The following RHOBTB1 variants were observed in gnomAD, a reference collection of about 807,000 sequenced individuals.
The protein encoded by RHOBTB1 is rho-related BTB domain-containing protein 1.
A neutral mutation model predicts 71.6 loss-of-function variants in RHOBTB1; 40 were observed. That is an observed-to-expected ratio of 0.56 (90% confidence interval 0.43 to 0.73). RHOBTB1 has a LOEUF of 0.73. Among genes scored for constraint, RHOBTB1 ranks in the 30% least tolerant of loss-of-function variants. The probability of loss-of-function intolerance (pLI) is 0.00; values close to 1 mark genes in which losing one functional copy is unlikely to be tolerated. For synonymous variants in RHOBTB1, 319 were observed against 334.9 expected, an observed-to-expected ratio of 0.95 and a Z score of 0.52; for missense variants, 797 against 894.0, an observed-to-expected ratio of 0.89 and a Z score of 1.38.
chr10:60,949,743 G>A lies in RHOBTB1; in HGVS notation c.-61-7889C>T, dbSNP rs975530165. Among the ~76,000 whole-genome samples, 10 of 147,300 alleles carry A rather than the reference G, an allele frequency of 6.8e-5. No individual in the cohort carries two copies. In the East Asian group the frequency reaches 8.0e-4, roughly 12 times the overall value. ...GATAAATACTTAAGCTAACCTAATGGATCTATTCTTGGCATTTCCTATGAT... is the reference window on the plus strand; with the variant it reads ...GATAAATACTTAAGCTAACCTAATGAATCTATTCTTGGCATTTCCTATGAT... On this transcript the variant is annotated intron_variant, in intron 2 of 11. Transcript: ENST00000357917.
intron 7 of RHOBTB1, among the ~76,000 whole-genome samples, chr10:60,879,635 G>A (rs1284448660): frequency 6.6e-6 from 1 of 152,094 alleles, no homozygotes; most frequent in Admixed American, 6.6e-5. Context: ...ATGAGCCACT[G>A]TGACTGGCCG....
At chr10:60,864,325 C>G in the RHOBTB1 span, among the ~76,000 whole-genome samples, 7 of 152,188 alleles carry the variant, frequency 4.6e-5, no homozygotes, top group African/African-American at 1.4e-4. Flanking sequence ...AACATAGACT[C>G]AAAAATGTTA....
Position 60,871,548 on chromosome 10 carries a change from A to G in RHOBTB1, c.2025T>C (p.Ile675=), listed in dbSNP as rs2080780433. 6.2e-7 allele frequency: 1 copy of G among 1,613,986 alleles called. No individual in the cohort carries two copies. Among genetic ancestry groups the G allele is most frequent in the Non-Finnish European group, 8.5e-7 (1 of 1,179,996 alleles). ...GTCTTGAGCGATGCTTATTTAGTGC[A>G]ATATCTTCCTTCTCTCGTTCCCTTT... is the stretch of plus-strand genomic sequence containing the variant. ...RVKREREKED[I]ALNKHRSRRK... is the part of the protein sequence containing the mutation. Residue 675 remains isoleucine, a synonymous_variant, in exon 11 of 11, where the codon ATT becomes ATC. Transcript: ENST00000337910.
At chr10:60,981,896 A>G (rs2086508940) in intron 2 of RHOBTB1, among the ~76,000 whole-genome samples, 1 of 151,946 alleles carries the variant, frequency 6.6e-6, no homozygotes, top group Admixed American at 6.6e-5. Context: ...CAGCCTCCCA[A>G]GTAGCTGGGA....
At position 60,911,520 on chromosome 10, in the gene RHOBTB1, T is replaced by C. The variant is rs750547263; in HGVS notation, c.23A>G (p.Glu8Gly). 1 of 1,614,138 alleles carries C rather than the reference T, an allele frequency of 6.2e-7. No individual in the cohort carries two copies. The highest frequency in any genetic ancestry group is 8.5e-7 in the Non-Finnish European group (1 of 1,180,018). Residue 8 changes from glutamate to glycine, a missense_variant, in exon 3 of 11, where the codon GAA becomes GGA. Coordinates refer to ENST00000337910, the MANE Select transcript of RHOBTB1 (RefSeq NM_014836.5). ...TTTGATAGTTTCAACGTTGGGTCTT[T>C]CGTAGTCCATGTCAGCGTCCATTTA... Reference protein sequence around the residue: MDADMDYERPNVETIKCV... With the variant: MDADMDYGRPNVETIKCV...
intron 4 of RHOBTB1, among the ~76,000 whole-genome samples, chr10:60,905,107 G>T (rs1387746979): frequency 6.6e-6 from 1 of 151,302 alleles, no homozygotes; most frequent in African/African-American, 2.4e-5. Flanking sequence ...AGTGCAAAAT[G>T]TAAGAGGGTA....
intron 2 of RHOBTB1, among the ~76,000 whole-genome samples, chr10:60,930,896 T>A (rs960292606): frequency 6.6e-6 from 1 of 152,082 alleles, no homozygotes; most frequent in Admixed American, 6.6e-5. Flanking sequence ...AATAAACGAA[T>A]CTTTCTTGGG....
In RHOBTB1 at chr10:60,871,368, C is replaced by T. The variant is rs573021399; in HGVS notation, c.*114G>A. 47 of 1,070,962 alleles carry T rather than the reference C, an allele frequency of 4.4e-5. No individual in the cohort carries two copies. In the Admixed American group the frequency reaches 6.3e-4, roughly 14 times the overall value. The allele number at this position is 1,070,962 out of a possible 1,614,324, so 66.3% of individuals were successfully genotyped here. A position where few individuals can be genotyped will look rare whatever the true frequency, so the allele number is the denominator to read the frequency against. ...ACAAAAGTGGAGGAAGATCAGTGCC[C>T]GAAACCTGAACTATGTCGTATCTCT... On this transcript the variant is annotated 3_prime_UTR_variant, in exon 11 of 11. Coordinates refer to ENST00000337910, the MANE Select transcript of RHOBTB1 (RefSeq NM_014836.5).
chr10:60,993,459 A>C (rs2086938655), intron 1 of RHOBTB1, among the ~76,000 whole-genome samples: 1 of 152,204 alleles, frequency 6.6e-6, no homozygotes, highest in Non-Finnish European at 1.5e-5. Context: ...ATGTGTAAGT[A>C]TATATAAAAT....
intron 2 of RHOBTB1, among the ~76,000 whole-genome samples, chr10:60,953,083 A>G (rs1043106446): frequency 6.6e-6 from 1 of 152,226 alleles, no homozygotes; most frequent in African/African-American, 2.4e-5. Context: ...CAGGTTGATG[A>G]GATAAAATGG....
chr10:60,895,694 G>A (rs759786799), intron 4 of RHOBTB1, among the ~76,000 whole-genome samples: 8 of 152,250 alleles, frequency 5.3e-5, no homozygotes, highest in South Asian at 2.1e-4. Flanking sequence ...GCAAGCCACC[G>A]CGCCCGGCCC....
intron 4 of RHOBTB1, among the ~76,000 whole-genome samples, chr10:60,904,255 G>A (rs7087599): frequency 2.6e-5 from 4 of 151,788 alleles, no homozygotes; most frequent in African/African-American, 4.8e-5. Context: ...CCTATTTCTC[G>A]TCTTAAAGAA....
intron 6 of RHOBTB1, among the ~76,000 whole-genome samples, chr10:60,886,709 A>T (rs1321479917): frequency 7.4e-6 from 1 of 134,670 alleles, no homozygotes; most frequent in East Asian, 2.9e-4. Flanking sequence ...TGTTTTTTTT[A>T]AGAGATGTGG....
chr10:60,861,874 T>G, the RHOBTB1 span, among the ~76,000 whole-genome samples: 3 of 152,218 alleles, frequency 2.0e-5, no homozygotes, highest in African/African-American at 7.2e-5. Flanking sequence ...AAAACCATTT[T>G]ATTCCCAACT....
chr10:60,893,616 T>C (rs12265809), intron 4 of RHOBTB1, among the ~76,000 whole-genome samples: 36,545 of 152,062 alleles, frequency 0.24, 4,603 homozygotes, highest in East Asian at 0.48. Context: ...AAGAAGGTAA[T>C]ATTTAACATA....
chr10:60,896,832 C>A (rs932944553), intron 4 of RHOBTB1, among the ~76,000 whole-genome samples: 7 of 151,956 alleles, frequency 4.6e-5, no homozygotes, highest in Non-Finnish European at 8.8e-5. Flanking sequence ...TGAAATAAAT[C>A]GAAATGTTGA....
intron 7 of RHOBTB1, among the ~76,000 whole-genome samples, chr10:60,880,126 G>A (rs534332551): frequency 8.4e-4 from 127 of 151,438 alleles, no homozygotes; most frequent in Middle Eastern, 3.4e-3. Flanking sequence ...TTGGCTGTCT[G>A]AGTTGGGGGG....
At chr10:60,893,064 C>A in intron 4 of RHOBTB1, 69 bp from the exon 5 acceptor site, 3 of 1,162,124 alleles carry the variant, frequency 2.6e-6, no homozygotes, top group Non-Finnish European at 3.7e-6. Context: ...ATTATGGTTC[C>A]TCTCAAACCC....
At chr10:60,882,745 G>A (rs897635367) in intron 7 of RHOBTB1, among the ~76,000 whole-genome samples, 1 of 152,102 alleles carries the variant, frequency 6.6e-6, no homozygotes, top group Non-Finnish European at 1.5e-5. Context: ...AGCATTAACT[G>A]AGTGCCTTTC....
Sources: gnomAD v4.1 joint callset for allele counts (sites outside exome capture counted in the v4.1 genomes callset) on GRCh38, gnomAD v4.1.1 for gene constraint, MANE v1.5 for transcripts, NCBI Gene and HGNC (gene_info 2026-07-23, HGNC 2026-07-21) for gene names.